Variants in RAB38 observed in about 807,000 individuals in gnomAD.
The protein encoded by RAB38 is RAB38, member RAS oncogene family.
In RAB38, 15 loss-of-function variants were observed where a neutral mutation model predicts 18.4. The ratio of observed to expected loss-of-function variants is 0.82; its 90% CI spans 0.55 to 1.26. The LOEUF (loss-of-function observed/expected upper bound fraction) is 1.26. Ranked by LOEUF, RAB38 falls within the 50% of genes most tolerant of loss-of-function variation. The pLI is 0.00. For synonymous variants in RAB38, 101 were observed against 104.4 expected (o/e 0.97, Z 0.20); for missense variants, 294 against 267.4 (o/e 1.10, Z -0.69).
the RAB38 span, among the ~76,000 whole-genome samples, chr11:87,810,192 A>G: frequency 6.6e-6 from 1 of 152,164 alleles, no homozygotes; most frequent in East Asian, 1.9e-4. Context: ...TGTTGAAAAT[A>G]TCCCCAGACA....
At chr11:88,085,640 A>C in the RAB38 span, among the ~76,000 whole-genome samples, 1 of 151,904 alleles carries the variant, frequency 6.6e-6, no homozygotes, top group Non-Finnish European at 1.5e-5. Context: ...TACTTGTTTA[A>C]AAAAAGAAGC....
chr11:88,113,268 T>C lies in RAB38; in HGVS notation c.*720A>G, dbSNP rs1460909459. The C allele has an allele frequency of 6.6e-6, 1 of 152,386 alleles. No homozygotes were observed. Among genetic ancestry groups the C allele is most frequent in the Admixed American group, 6.6e-5 (1 of 15,260 alleles). The allele number at this position is 152,386 out of a possible 1,614,324, so 9.4% of individuals were successfully genotyped here. A position where few individuals can be genotyped will look rare whatever the true frequency, so the allele number is the denominator to read the frequency against. On this transcript the variant is annotated 3_prime_UTR_variant, in exon 3 of 3. Coordinates refer to ENST00000243662, the MANE Select transcript of RAB38 (RefSeq NM_022337.3). ...TTCATAAATAGGGAAACAGCATCTTTTAATGTTTTATTGTTCACTTGCAAA... is the reference window on the plus strand; with the variant it reads ...TTCATAAATAGGGAAACAGCATCTTCTAATGTTTTATTGTTCACTTGCAAA...
chr11:87,845,191 A>G, the RAB38 span, among the ~76,000 whole-genome samples: 4 of 152,192 alleles, frequency 2.6e-5, no homozygotes, highest in Non-Finnish European at 4.4e-5. Flanking sequence ...ACATACAAAG[A>G]ACCAGGCAAA....
chr11:87,886,285 T>C, the RAB38 span, among the ~76,000 whole-genome samples: 2 of 151,734 alleles, frequency 1.3e-5, no homozygotes, highest in Non-Finnish European at 2.9e-5. Context: ...ACCCCAACAG[T>C]ATTCAGGGGG....
At chr11:88,030,361 C>A in the RAB38 span, among the ~76,000 whole-genome samples, 2 of 151,876 alleles carry the variant, frequency 1.3e-5, no homozygotes, top group Non-Finnish European at 2.9e-5. Flanking sequence ...TAGCAGAAGG[C>A]AAGAAATAAC....
At chr11:88,083,831 C>T in the RAB38 span, among the ~76,000 whole-genome samples, 1 of 151,930 alleles carries the variant, frequency 6.6e-6, no homozygotes, top group African/African-American at 2.4e-5. Context: ...ACTGAACACA[C>T]CGATGCTTAG....
rs187723888 is a variant in RAB38, at chr11:88,156,942, T to C, written c.203-6987A>G. The stretch of plus-strand genomic sequence containing the variant: ...CAACCACACAATAGAAACTTATATT[T>C]CAAAGCAAACTAGCTAATAACTTCG... On this transcript the variant is annotated intron_variant, in intron 1 of 2. Transcript: ENST00000243662. Among the ~76,000 whole-genome samples the C allele has an allele frequency of 1.5e-3, 230 of 152,262 alleles. 1 individual carries two copies. Among genetic ancestry groups the C allele is most frequent in the African/African-American group, 5.3e-3 (220 of 41,556 alleles).
chr11:87,949,132 C>T, the RAB38 span, among the ~76,000 whole-genome samples: 5 of 152,190 alleles, frequency 3.3e-5, no homozygotes, highest in East Asian at 3.9e-4. Flanking sequence ...GTGTATGTGT[C>T]GAAGAATTTA....
chr11:87,952,018 C>T, the RAB38 span, among the ~76,000 whole-genome samples: 1 of 152,296 alleles, frequency 6.6e-6, no homozygotes, highest in Non-Finnish European at 1.5e-5. Flanking sequence ...CTTGGCTCCT[C>T]CCCTACTGGC....
Position 88,175,408 on chromosome 11 carries a change from G to C in RAB38, c.-24C>G. 1.9e-6 allele frequency: 3 copies of C among 1,613,368 alleles called. No individual in the cohort carries two copies. Among genetic ancestry groups the C allele is most frequent in the Non-Finnish European group, 2.5e-6 (3 of 1,179,612 alleles). The stretch of plus-strand genomic sequence containing the variant: ...ATCCTGGCGGCCGGCCAGACGTGCC[G>C]TGCCTGACCAGGGAAGCGCAGCCTG... On this transcript the variant is annotated 5_prime_UTR_variant, in exon 1 of 3. Coordinates refer to ENST00000243662, the MANE Select transcript of RAB38 (RefSeq NM_022337.3).
the RAB38 span, among the ~76,000 whole-genome samples, chr11:87,926,504 G>T: frequency 1.4e-5 from 2 of 139,406 alleles, no homozygotes; most frequent in Non-Finnish European, 3.1e-5. Flanking sequence ...TAAGTCAAAT[G>T]GTGGTTTTTT....
At chr11:87,863,984 A>T in the RAB38 span, among the ~76,000 whole-genome samples, 1 of 151,760 alleles carries the variant, frequency 6.6e-6, no homozygotes, top group Non-Finnish European at 1.5e-5. Flanking sequence ...AAGGCTGAGC[A>T]GATGAACCTA....
chr11:87,971,676 A>G, the RAB38 span, among the ~76,000 whole-genome samples: 1 of 152,292 alleles, frequency 6.6e-6, no homozygotes, highest in East Asian at 1.9e-4. Flanking sequence ...CTGATGCTAG[A>G]CAGAGGCATA....
At chr11:88,053,776 G>C in the RAB38 span, among the ~76,000 whole-genome samples, 1 of 150,542 alleles carries the variant, frequency 6.6e-6, no homozygotes, top group East Asian at 1.9e-4. Context: ...GCACTGTTAG[G>C]AGAAAGGACT....
At chr11:87,937,210 A>G in the RAB38 span, among the ~76,000 whole-genome samples, 10 of 150,878 alleles carry the variant, frequency 6.6e-5, no homozygotes, top group Admixed American at 3.3e-4. Context: ...TGATGTGATC[A>G]GGTAACTGCT....
At chr11:87,877,848 C>T in the RAB38 span, among the ~76,000 whole-genome samples, 1 of 151,520 alleles carries the variant, frequency 6.6e-6, no homozygotes, top group South Asian at 2.1e-4. Context: ...CAAATCAATC[C>T]CTCCTTGTGT....
chr11:87,883,886 C>A, the RAB38 span, among the ~76,000 whole-genome samples: 1 of 151,916 alleles, frequency 6.6e-6, no homozygotes, highest in East Asian at 2.0e-4. Context: ...AGAACTGACA[C>A]CTTAATTTCA....
the RAB38 span, among the ~76,000 whole-genome samples, chr11:87,918,935 A>G: frequency 1.3e-5 from 2 of 151,878 alleles, no homozygotes; most frequent in African/African-American, 4.8e-5. Context: ...ACAGTAAAAA[A>G]AAAAAACATC....
the RAB38 span, among the ~76,000 whole-genome samples, chr11:88,003,844 AT>A: frequency 0.24 from 705 of 2,892 alleles, 270 homozygotes; most frequent in East Asian, 0.85. Context: ...ATATATATTT[AT>A]ATATATAATT....
Sources: allele counts gnomAD v4.1 joint callset (sites outside exome capture counted in the v4.1 genomes callset), GRCh38; gene constraint gnomAD v4.1.1; transcripts MANE v1.5; gene names NCBI Gene and HGNC (gene_info 2026-07-23, HGNC 2026-07-21).